The following USP14 variants were observed in gnomAD, a reference collection of about 807,000 sequenced individuals.
USP14 encodes ubiquitin specific peptidase 14.
A neutral mutation model predicts 76.5 loss-of-function variants in USP14; 38 were observed. The observed-to-expected ratio is 0.50, with a 90% CI of 0.38 to 0.65. USP14 has a LOEUF of 0.65. Among genes scored for constraint, USP14 ranks in the 30% least tolerant of loss-of-function variants. USP14 has a pLI of 0.00. For missense variants in USP14, 467 were observed against 586.5 expected (o/e 0.80, Z 2.10); for synonymous variants, 192 against 191.7 (o/e 1.00, Z -0.01).
intron 6 of USP14, among the ~76,000 whole-genome samples, chr18:194,155 C>T (rs1910167215): frequency 6.6e-6 from 1 of 152,112 alleles, no homozygotes; most frequent in South Asian, 2.1e-4. Context: ...TCATTGTTGT[C>T]AACCATTGAT....
Position 213,853 on chromosome 18 carries a change from T to G in USP14, c.*2569T>G, listed in dbSNP as rs1330949028. Reference sequence around the variant, plus strand: ...TTGAATGTCACAAGAATCCCTGAAGTGATTAAAAGTCTTGAGAGGTCAGGC... The same window carrying G: ...TTGAATGTCACAAGAATCCCTGAAGGGATTAAAAGTCTTGAGAGGTCAGGC... On this transcript the variant is annotated 3_prime_UTR_variant, in exon 16 of 16. Coordinates refer to ENST00000261601, the MANE Select transcript of USP14 (RefSeq NM_005151.4). 6.6e-6 allele frequency: 1 copy of G among 152,120 alleles called. No individual in the cohort carries two copies. Among genetic ancestry groups the G allele is most frequent in the African/African-American group, 2.4e-5 (1 of 41,402 alleles). The allele number at this position is 152,120 out of a possible 1,614,324, so 9.4% of individuals were successfully genotyped here. A position where few individuals can be genotyped will look rare whatever the true frequency, so the allele number is the denominator to read the frequency against.
At chr18:203,304 A>G in intron 12 of USP14, 114 bp downstream of exon 12, 3 of 927,690 alleles carry the variant, frequency 3.2e-6, no homozygotes, top group South Asian at 1.7e-5. Flanking sequence ...TGAAATATTT[A>G]GGGGAGCTAA....
chr18:167,535 TCTCA>T (rs1179754112), intron 3 of USP14, among the ~76,000 whole-genome samples: 8 of 151,796 alleles, frequency 5.3e-5, no homozygotes, highest in Non-Finnish European at 1.0e-4. Flanking sequence ...TGAGACAGGG[TCTCA>T]CTCTCACGTA....
chr18:205,245 G>T (rs1910497776), intron 13 of USP14, among the ~76,000 whole-genome samples: 1 of 152,118 alleles, frequency 6.6e-6, no homozygotes, highest in South Asian at 2.1e-4. Context: ...GGTAGAATAA[G>T]CTTAATATTT....
chr18:186,379 T>C (rs1909930161), intron 5 of USP14, among the ~76,000 whole-genome samples: 1 of 152,270 alleles, frequency 6.6e-6, no homozygotes, highest in South Asian at 2.1e-4. Context: ...ATGCTTGAGC[T>C]CAGGAGTTTG....
At chr18:173,230 C>T (rs1909518603) in intron 3 of USP14, among the ~76,000 whole-genome samples, 1 of 151,536 alleles carries the variant, frequency 6.6e-6, no homozygotes, top group Non-Finnish European at 1.5e-5. Context: ...GCCTCAGCCT[C>T]CCGAGTAGCT....
intron 3 of USP14, among the ~76,000 whole-genome samples, chr18:172,831 A>C (rs968732278): frequency 1.3e-5 from 2 of 151,950 alleles, no homozygotes; most frequent in Non-Finnish European, 2.9e-5. Context: ...GCACTGGGGG[A>C]AAATTTTTGT....
At position 214,519 on chromosome 18, in the gene USP14, A is replaced by C. The variant is rs1910791236; in HGVS notation, c.*3235A>C. On this transcript the variant is annotated 3_prime_UTR_variant, in exon 16 of 16. Coordinates refer to ENST00000261601, the MANE Select transcript of USP14 (RefSeq NM_005151.4). ...CAGAGCACCAGCCGACTGTACAACA[A>C]TTGTTATAAAAATGTTTATTGTTTA... The C allele has an allele frequency of 2.3e-6, 2 of 886,362 alleles. No individual in the cohort carries two copies. Among genetic ancestry groups the C allele is most frequent in the Non-Finnish European group, 3.4e-6 (2 of 588,836 alleles). 54.9% of individuals were successfully genotyped at this position (886,362 alleles called of 1,614,324 possible). A position where few individuals can be genotyped will look rare whatever the true frequency, so the allele number is the denominator to read the frequency against.
Position 211,456 on chromosome 18 carries a change from A to G in USP14, c.*172A>G, listed in dbSNP as rs1910667849. 2 of 558,626 alleles carry G rather than the reference A, an allele frequency of 3.6e-6. No homozygotes were observed. The highest frequency in any genetic ancestry group is 7.9e-5 in the South Asian group (2 of 25,398). 34.6% of individuals were successfully genotyped at this position (558,626 alleles called of 1,614,324 possible). ...TGCACCAACCTAAAAAATTACAGAG[A>G]AGAGAAAATTATCTTTGGATTGTGC... On this transcript the variant is annotated 3_prime_UTR_variant, in exon 16 of 16. Coordinates refer to ENST00000261601, the MANE Select transcript of USP14 (RefSeq NM_005151.4).
Position 178,150 on chromosome 18 carries a change from G to T in USP14, c.196-783G>T, listed in dbSNP as rs188030197. Among the ~76,000 whole-genome samples the T allele has an allele frequency of 2.6e-5, 4 of 152,168 alleles. No individual in the cohort carries two copies. The East Asian group carries it at 7.7e-4, about 29-fold the overall frequency. On this transcript the variant is annotated intron_variant, in intron 3 of 15. Transcript: ENST00000261601. ...ATCCTCCCATTTTAGCCCCCAAGTAGCTGGGACTACAGGCATGCACCCCTA... is the reference window on the plus strand; with the variant it reads ...ATCCTCCCATTTTAGCCCCCAAGTATCTGGGACTACAGGCATGCACCCCTA...
At chr18:197,771 G>A (rs2143069912) in intron 8 of USP14, 75 bp downstream of exon 8, 1 of 1,193,852 alleles carries the variant, frequency 8.4e-7, no homozygotes, top group Middle Eastern at 2.6e-4. Flanking sequence ...TCCCCTCAAA[G>A]GCTTAAAATA....
At chr18:162,510 T>C (rs1443967339) in intron 1 of USP14, among the ~76,000 whole-genome samples, 1 of 152,218 alleles carries the variant, frequency 6.6e-6, no homozygotes, top group Non-Finnish European at 1.5e-5. Flanking sequence ...CTCCCAGATT[T>C]CTTATGACTC....
At chr18:198,016 A>G in intron 8 of USP14, 31 bp from the exon 9 acceptor site, 1 of 1,563,858 alleles carries the variant, frequency 6.4e-7, no homozygotes, top group Non-Finnish European at 8.7e-7. Context: ...ATATTTATAT[A>G]AAGTTGGAAT....
chr18:171,025 AATATATATATATATAT>A (rs57888885), intron 3 of USP14, among the ~76,000 whole-genome samples: 2 of 47,684 alleles, frequency 4.2e-5, no homozygotes, highest in East Asian at 9.1e-4. Context: ...AAAAAAAAAA[AATATATATATATATAT>A]ATATATATAT....
chr18:180,159 A>T, intron 4 of USP14, 77 bp from the exon 5 acceptor site: 1 of 679,840 alleles, frequency 1.5e-6, no homozygotes, highest in Non-Finnish European at 2.3e-6. Flanking sequence ...TGAGAATTTT[A>T]GTGATTTATA....
At position 158,875 on chromosome 18, in the gene USP14, C is replaced by T. The variant is rs554949972; in HGVS notation, c.16+161C>T. On this transcript the variant is annotated intron_variant, in intron 1 of 15. Coordinates refer to ENST00000261601, the MANE Select transcript of USP14 (RefSeq NM_005151.4). ...GATGACCCAGGCACCGTCCCCTCTC[C>T]CGGCTGGGTCGGAGCCCTGCGTGGC... 7.5e-3 allele frequency: 8,571 copies of T among 1,149,912 alleles called. 43 individuals are homozygous for T. Among genetic ancestry groups the T allele is most frequent in the Non-Finnish European group, 8.6e-3 (7,829 of 912,246 alleles). 71.2% of individuals were successfully genotyped at this position (1,149,912 alleles called of 1,614,324 possible).
At chr18:176,967 C>A (rs1252804420) in intron 3 of USP14, among the ~76,000 whole-genome samples, 1 of 151,918 alleles carries the variant, frequency 6.6e-6, no homozygotes, top group Non-Finnish European at 1.5e-5. Flanking sequence ...TATAAATTTG[C>A]TGCATGAATG....
intron 10 of USP14, among the ~76,000 whole-genome samples, chr18:202,011 A>G (rs1910396133): frequency 6.6e-6 from 1 of 152,232 alleles, no homozygotes; most frequent in Admixed American, 6.5e-5. Flanking sequence ...CTTTTGTAAT[A>G]TGATTAGTAA....
intron 4 of USP14, 27 bp from the exon 5 acceptor site, chr18:180,209 T>A (rs1399545407): frequency 1.0e-5 from 13 of 1,245,406 alleles, no homozygotes; most frequent in Middle Eastern, 1.9e-4. Flanking sequence ...AATGATTTAA[T>A]CCTTTTTTTT....
Sources: gnomAD v4.1 joint callset for allele counts (sites outside exome capture counted in the v4.1 genomes callset) on GRCh38, gnomAD v4.1.1 for gene constraint, MANE v1.5 for transcripts, NCBI Gene and HGNC (gene_info 2026-07-23, HGNC 2026-07-21) for gene names.